LMF1: variants seen among roughly 807,000 people sequenced by gnomAD.
LMF1 encodes the protein lipase maturation factor 1, also known as transmembrane protein 112.
In LMF1, 68 loss-of-function variants were observed where a neutral mutation model predicts 60.6. That is an observed-to-expected ratio of 1.12 (90% CI 0.92 to 1.37). LMF1 has a LOEUF of 1.37. LMF1 is among the 40% of genes most tolerant of loss of function. LMF1 has a pLI of 0.00. For synonymous variants in LMF1, 418 were observed against 324.7 expected, an observed-to-expected ratio of 1.29 and a Z score of -3.09; for missense variants, 948 against 767.2, an observed-to-expected ratio of 1.24 and a Z score of -2.78.
At chr16:901,046 C>T (rs186617970) in intron 4 of LMF1, 86 of 152,024 alleles carry the variant, frequency 5.7e-4, no homozygotes, top group African/African-American at 2.0e-3. Flanking sequence ...TGCAGACGTC[C>T]TCTCCAGACA....
At chr16:948,253 G>C (rs1175543978) in intron 2 of LMF1, among the ~76,000 whole-genome samples, 2 of 150,762 alleles carry the variant, frequency 1.3e-5, no homozygotes, top group African/African-American at 2.4e-5. Flanking sequence ...GAAAATGACA[G>C]AGTCAGCCAA....
At position 897,114 on chromosome 16, in the gene LMF1, C is replaced by T. The variant is rs569566297; in HGVS notation, c.664-4042G>A. Among the ~76,000 whole-genome samples, 67 of 152,348 alleles carry T rather than the reference C, an allele frequency of 4.4e-4. No homozygotes were observed. The highest frequency in any genetic ancestry group is 1.1e-3 in the African/African-American group (46 of 41,578). On this transcript the variant is annotated intron_variant, in intron 4 of 10. Transcript: ENST00000262301. The surrounding 1 kb of genome is among the most constrained non-coding windows in gnomAD (Gnocchi z 4.3). ...TCGGAATGCCAGAACTTTCCAGGCC[C>T]ATCGACGATGTTCCCGCCTTGCAAC...
chr16:917,544 C>T (rs917373608), intron 3 of LMF1, among the ~76,000 whole-genome samples: 4 of 151,936 alleles, frequency 2.6e-5, no homozygotes, highest in African/African-American at 4.8e-5. Context: ...CGCAGGCCCA[C>T]GTGAAGAAAT....
chr16:895,036 A>C (rs1221627397), intron 4 of LMF1, among the ~76,000 whole-genome samples: 3 of 152,174 alleles, frequency 2.0e-5, no homozygotes. Context: ...CGTGGGGTAC[A>C]GCAGGGCTGA....
At chr16:921,692 T>C (rs533837838) in intron 3 of LMF1, among the ~76,000 whole-genome samples, 14 of 152,112 alleles carry the variant, frequency 9.2e-5, no homozygotes, top group African/African-American at 2.4e-4. Flanking sequence ...GTGGGAAGCA[T>C]TGACACCAGC....
Position 893,348 on chromosome 16 carries a change from G to A in LMF1, c.664-276C>T, listed in dbSNP as rs1448593087. On this transcript the variant is annotated intron_variant, in intron 4 of 10. Transcript: ENST00000262301. ...GCCTTCCCCAACACTCATTCTCAGA[G>A]CTCCACGCATCATCACGCTACAGAA... The A allele has an allele frequency of 5.2e-6, 3 of 572,322 alleles. No homozygotes were observed. The African/African-American group carries it at 5.6e-5, about 11-fold the overall frequency. The allele number at this position is 572,322 out of a possible 1,614,324, so 35.5% of individuals were successfully genotyped here.
chr16:974,286 T>TCCTTTCA (rs2073095097), upstream of LMF1, among the ~76,000 whole-genome samples: 1 of 152,132 alleles, frequency 6.6e-6, no homozygotes, highest in South Asian at 2.1e-4. Flanking sequence ...CCAGGTGTGG[T>TCCTTTCA]CCTTTCACCC....
At chr16:920,814 T>C (rs9888914) in intron 3 of LMF1, among the ~76,000 whole-genome samples, 77,735 of 152,172 alleles carry the variant, frequency 0.51, 22,445 homozygotes, top group African/African-American at 0.79. Context: ...TCAGGAATGA[T>C]AGTCGACTTC....
At chr16:911,696 A>AGCACTGGGGGG (rs1567226110) in intron 3 of LMF1, among the ~76,000 whole-genome samples, 14 of 65,046 alleles carry the variant, frequency 2.2e-4, no homozygotes, top group African/African-American at 1.2e-3. Context: ...GCACTGGGGG[A>AGCACTGGGGGG]GCAGCACTGG....
At chr16:945,146 G>A (rs1272505887) in intron 2 of LMF1, among the ~76,000 whole-genome samples, 1 of 140,772 alleles carries the variant, frequency 7.1e-6, no homozygotes, top group East Asian at 2.2e-4. Context: ...AGGAAGTGGA[G>A]GCTGCAATGG....
intron 4 of LMF1, chr16:903,101 C>G: frequency 1.8e-5 from 1 of 54,138 alleles, no homozygotes; most frequent in Non-Finnish European, 3.0e-5. Context: ...TCTGCACTGC[C>G]CACAGGACTC....
rs771557356 is a variant in LMF1 at position 853,797 on chromosome 16, G to A, written c.*735C>T. On this transcript the variant is annotated 3_prime_UTR_variant, in exon 11 of 11. Coordinates refer to ENST00000262301, the MANE Select transcript of LMF1 (RefSeq NM_022773.4). ...CCTCCGATTGAGGGGCCTTGTCAAG[G>A]CCTCAGAGGCAGCGAGGTCACAGCC... 4.4e-6 allele frequency: 2 copies of A among 454,036 alleles called. No homozygotes were observed. The highest frequency in any genetic ancestry group is 8.8e-6 in the Non-Finnish European group (2 of 226,798). The allele number at this position is 454,036 out of a possible 1,614,324, so 28.1% of individuals were successfully genotyped here.
At chr16:972,003 A>G (rs886939389), upstream of LMF1, among the ~76,000 whole-genome samples, 1 of 152,110 alleles carries the variant, frequency 6.6e-6, no homozygotes, top group Non-Finnish European at 1.5e-5. Flanking sequence ...TGGCGTATCA[A>G]TTATCGCCAC....
At position 954,117 on chromosome 16, in the gene LMF1, C is replaced by T. The variant is rs764148435; in HGVS notation, c.503+240G>A. ...CCCTCTGGCTCCAGTAAGCTGGCAA[C>T]GCAGTCCTTTAAGTAAGGAAGAGCT... On this transcript the variant is annotated intron_variant, in intron 2 of 10. Transcript: ENST00000262301. The T allele has an allele frequency of 2.0e-4, 126 of 635,538 alleles. 1 individual carries two copies. In the Middle Eastern group the frequency reaches 2.3e-3, roughly 12 times the overall value. The allele number at this position is 635,538 out of a possible 1,614,324, so 39.4% of individuals were successfully genotyped here. A position where few individuals can be genotyped will look rare whatever the true frequency, so the allele number is the denominator to read the frequency against.
intron 3 of LMF1, chr16:933,378 A>ATAC (rs1196571321): frequency 1.3e-5 from 2 of 152,586 alleles, no homozygotes; most frequent in African/African-American, 4.8e-5. Context: ...AGGAATGAAA[A>ATAC]TACGTGAGGA....
intron 6 of LMF1, among the ~76,000 whole-genome samples, chr16:877,528 C>A (rs1009321935): frequency 1.3e-5 from 2 of 152,184 alleles, no homozygotes; most frequent in African/African-American, 4.8e-5. Flanking sequence ...TAATGTAACT[C>A]GCCACGTTAC....
In LMF1 at chr16:869,912, C is replaced by G; in HGVS notation, c.1387G>C (p.Asp463His). The change falls in exon 9 of 11, where the codon GAC becomes CAC. Residue 463 changes from aspartate (D) to histidine (H), a missense_variant. Transcript: ENST00000262301. ...CLISPYHYRLDWLMWFAAFQT... is the reference protein window; with the variant it reads ...CLISPYHYRLHWLMWFAAFQT... ...AAGGCCGCGAACCACATCAGCCAGTCCAGGCGGTAGTGGTACGGGGAGATG... is the reference window on the plus strand; with the variant it reads ...AAGGCCGCGAACCACATCAGCCAGTGCAGGCGGTAGTGGTACGGGGAGATG... 6.2e-7 allele frequency: 1 copy of G among 1,613,076 alleles called. No homozygotes were observed. Among genetic ancestry groups the G allele is most frequent in the South Asian group, 1.1e-5 (1 of 91,066 alleles).
Position 954,542 on chromosome 16 carries a change from G to C in LMF1, c.318C>G (p.Val106=), listed in dbSNP as rs1207748293. 3.1e-6 allele frequency: 5 copies of C among 1,613,210 alleles called. No homozygotes were observed. The highest frequency in any genetic ancestry group is 3.3e-4 in the Middle Eastern group (2 of 6,062). ...QYFQDRTSWE[V]FSYMPTILWL... Reference sequence around the variant, plus strand: ...AGAGGATGGTGGGCATGTAGCTGAAGACTTCCCAGCTCGTCCTGTCCTGGA... The same window carrying C: ...AGAGGATGGTGGGCATGTAGCTGAACACTTCCCAGCTCGTCCTGTCCTGGA... Residue 106 remains valine, a synonymous_variant, in exon 2 of 11, where the codon GTC becomes GTG. Coordinates refer to ENST00000262301, the MANE Select transcript of LMF1 (RefSeq NM_022773.4).
rs556303155 is a variant in LMF1, at chr16:871,355, G to A, written c.898-14C>T. 2.3e-5 allele frequency: 37 copies of A among 1,610,924 alleles called. No homozygotes were observed. Among genetic ancestry groups the A allele is most frequent in the East Asian group, 1.6e-4 (7 of 44,838 alleles). ...GATGAGGACGGCCTGTGGAGACGCC[G>A]CAGCTGAGTCTCGTGCAGGGGCTCG... On this transcript the variant is annotated splice_polypyrimidine_tract_variant and intron_variant, in intron 6 of 10. Transcript: ENST00000262301.
Sources: gnomAD v4.1 joint callset for allele counts (sites outside exome capture counted in the v4.1 genomes callset) on GRCh38, gnomAD v4.1.1 for gene constraint, Gnocchi (gnomAD v3.1) non-coding constraint, MANE v1.5 for transcripts, NCBI Gene and HGNC (gene_info 2026-07-23, HGNC 2026-07-21) for gene names.